Variants in TNNT1 observed in about 807,000 individuals in gnomAD.
The protein encoded by TNNT1 is troponin T, slow skeletal muscle.
TNNT1 carries 53 observed loss-of-function variants against 50.6 expected under a neutral mutation model. The ratio of observed to expected loss-of-function variants is 1.05; its 90% CI spans 0.84 to 1.32. TNNT1 has a LOEUF of 1.32. TNNT1 is among the 40% of genes most tolerant of loss of function. The pLI is 0.00. For missense variants in TNNT1, 348 were observed against 381.7 expected, an observed-to-expected ratio of 0.91 and a Z score of 0.74; for synonymous variants, 142 against 138.0, an observed-to-expected ratio of 1.03 and a Z score of -0.20.
At chr19:55,138,728 C>T (rs930211893) in intron 9 of TNNT1, among the ~76,000 whole-genome samples, 12 of 152,206 alleles carry the variant, frequency 7.9e-5, no homozygotes, top group South Asian at 2.1e-4. Flanking sequence ...GTCTGGGCCA[C>T]AGTCGCCCTT....
intron 11 of TNNT1, among the ~76,000 whole-genome samples, chr19:55,135,187 T>A (rs1445520543): frequency 1.3e-5 from 2 of 150,492 alleles, no homozygotes; most frequent in Non-Finnish European, 1.5e-5. Flanking sequence ...AGAGACTGTG[T>A]GGCTCTTCTC....
intron 9 of TNNT1, 63 bp from the exon 10 acceptor site, chr19:55,138,137 G>A: frequency 6.2e-7 from 1 of 1,612,596 alleles, no homozygotes; most frequent in East Asian, 2.2e-5. Context: ...GAGGGCCCTG[G>A]GATGTGGAAC....
chr19:55,136,972 C>T (rs375350101), intron 11 of TNNT1, 131 bp downstream of exon 11: 2 of 636,164 alleles, frequency 3.1e-6, no homozygotes, highest in Non-Finnish European at 5.6e-6. Context: ...GAGGGGAAGC[C>T]ACTTGCCCAA....
At chr19:55,134,291 T>C (rs1323760691) in intron 11 of TNNT1, 87 bp from the exon 12 acceptor site, 3 of 1,323,320 alleles carry the variant, frequency 2.3e-6, no homozygotes, top group Non-Finnish European at 3.1e-6. Flanking sequence ...AGTTCAGCGT[T>C]GTCGGCACCA....
chr19:55,137,226 A>C lies in TNNT1; in HGVS notation c.502-14T>G. On this transcript the variant is annotated splice_polypyrimidine_tract_variant and intron_variant, in intron 10 of 13. Transcript: ENST00000588981. ...CTTCTGTTCTGCCTGAGGGTGGGGGAGGCGGAACAGTAAACTGGGGGCCAC... is the reference window on the plus strand; with the variant it reads ...CTTCTGTTCTGCCTGAGGGTGGGGGCGGCGGAACAGTAAACTGGGGGCCAC... 2.5e-6 allele frequency: 4 copies of C among 1,592,746 alleles called. No homozygotes were observed. Among genetic ancestry groups the C allele is most frequent in the Non-Finnish European group, 3.4e-6 (4 of 1,161,396 alleles).
At position 55,133,922 on chromosome 19, in the gene TNNT1, G is replaced by A. The variant is rs61737472; in HGVS notation, c.756C>T (p.Asn252=). ...CGTGGCTGATGCGGTTGTACAGCAC[G>A]TTGATCTGCGGAGGCAGAAGACAGA... ...AKLKQQKYEI[N]VLYNRISHAQ... is the part of the protein sequence containing the mutation. The change falls in exon 13 of 14, where the codon AAC becomes AAT. Residue 252 remains asparagine (N), a synonymous_variant. Coordinates refer to ENST00000588981, the MANE Select transcript of TNNT1 (RefSeq NM_003283.6). 2.1e-5 allele frequency: 34 copies of A among 1,613,548 alleles called. No individual in the cohort carries two copies. The highest frequency in any genetic ancestry group is 2.7e-5 in the African/African-American group (2 of 74,816).
chr19:55,140,990 A>G, intron 8 of TNNT1, 30 bp from the exon 9 acceptor site: 1 of 1,607,992 alleles, frequency 6.2e-7, no homozygotes, highest in South Asian at 1.1e-5. Context: ...AAGGGGGTGC[A>G]GGGACGTACC....
chr19:55,135,382 TTCC>T, intron 11 of TNNT1: 1 of 203,568 alleles, frequency 4.9e-6, no homozygotes, highest in Non-Finnish European at 8.9e-6. Flanking sequence ...CTACCTTTCC[TTCC>T]TTCCTTCCTT....
intron 3 of TNNT1, 95 bp downstream of exon 3, chr19:55,146,909 GCCGC>G: frequency 6.9e-7 from 1 of 1,445,148 alleles, no homozygotes; most frequent in Non-Finnish European, 9.3e-7. Flanking sequence ...CGAGGGCTGA[GCCGC>G]CCCTTCCCCG....
At position 55,147,108 on chromosome 19, in the gene TNNT1, TCCC is replaced by T; in HGVS notation, c.32+15_32+17del. On this transcript the variant is annotated intron_variant, in intron 2 of 13. Coordinates refer to ENST00000588981, the MANE Select transcript of TNNT1 (RefSeq NM_003283.6). ...CTCCACCACTGCACGCCCCAACCCC[TCCC>T]AGTGCAGCACTCACTCCTCATATTC... 1 of 1,613,648 alleles carries T rather than the reference TCCC, an allele frequency of 6.2e-7. No individual in the cohort carries two copies. The highest frequency in any genetic ancestry group is 8.5e-7 in the Non-Finnish European group (1 of 1,179,824).
intron 10 of TNNT1, 21 bp downstream of exon 10, chr19:55,137,940 G>A: frequency 1.2e-6 from 2 of 1,614,168 alleles, no homozygotes; most frequent in African/African-American, 2.7e-5. Context: ...TCAGACCTCA[G>A]GCTCCTGCAG....
At chr19:55,141,567 T>C (rs1400983470) in intron 7 of TNNT1, among the ~76,000 whole-genome samples, 2 of 147,470 alleles carry the variant, frequency 1.4e-5, no homozygotes, top group African/African-American at 5.0e-5. Context: ...CACCGCCACC[T>C]CCGCCTCCCA....
intron 7 of TNNT1, 59 bp from the exon 8 acceptor site, chr19:55,141,361 G>A: frequency 8.0e-7 from 1 of 1,255,644 alleles, no homozygotes; most frequent in Non-Finnish European, 1.2e-6. Flanking sequence ...CAGCCTCCCA[G>A]CACCTCCCCC....
intron 5 of TNNT1, 27 bp downstream of exon 5, chr19:55,146,407 C>G: frequency 7.3e-7 from 1 of 1,361,676 alleles, no homozygotes; most frequent in Non-Finnish European, 9.5e-7. Context: ...CGACATCGGT[C>G]TCGGGAAGCG....
At chr19:55,137,355 T>G (rs896042275) in intron 10 of TNNT1, 143 bp from the exon 11 acceptor site, 25 of 649,414 alleles carry the variant, frequency 3.8e-5, no homozygotes, top group Middle Eastern at 3.9e-4. Flanking sequence ...CCTTCAGACC[T>G]AGGAGTCCAG....
At chr19:55,139,580 C>G (rs2085413857) in intron 9 of TNNT1, among the ~76,000 whole-genome samples, 1 of 152,154 alleles carries the variant, frequency 6.6e-6, no homozygotes, top group Non-Finnish European at 1.5e-5. Context: ...TGGCCTTCCT[C>G]TTATAAGGAC....
intron 10 of TNNT1, 57 bp downstream of exon 10, chr19:55,137,904 G>A: frequency 6.2e-7 from 1 of 1,602,666 alleles, no homozygotes; most frequent in Admixed American, 1.7e-5. Context: ...CAGAGGTCTG[G>A]CCCCCAGCCC....
rs554601627 is a variant in TNNT1 at position 55,133,056 on chromosome 19, A to G, written c.792-96T>C. The stretch of plus-strand genomic sequence containing the variant: ...ATTCAGGAAGCCCATTCCCCAAAAT[A>G]TTAGCCCTCCCTGCCCAGAGGAAGC... On this transcript the variant is annotated intron_variant, in intron 13 of 13. Coordinates refer to ENST00000588981, the MANE Select transcript of TNNT1 (RefSeq NM_003283.6). The G allele has an allele frequency of 1.3e-4, 148 of 1,123,694 alleles. No homozygotes were observed. The East Asian group carries it at 3.6e-3, about 27-fold the overall frequency. 69.6% of individuals were successfully genotyped at this position (1,123,694 alleles called of 1,614,324 possible). A position where few individuals can be genotyped will look rare whatever the true frequency, so the allele number is the denominator to read the frequency against.
intron 1 of TNNT1, among the ~76,000 whole-genome samples, chr19:55,147,688 CTCCTGGATCTGAGGGAGGAGGGGCCAGGG>C (rs2085601628): frequency 1.5e-5 from 1 of 67,794 alleles, no homozygotes; most frequent in Non-Finnish European, 3.1e-5. Context: ...GGGGTCTGGA[CTCCTGGATCTGAGGGAGGAGGGGCCAGGG>C]GCCTGGACGC....
Sources: allele counts gnomAD v4.1 joint callset (sites outside exome capture counted in the v4.1 genomes callset), GRCh38; gene constraint gnomAD v4.1.1; transcripts MANE v1.5; gene names NCBI Gene and HGNC (gene_info 2026-07-23, HGNC 2026-07-21).